ATG7: variants seen among roughly 807,000 people sequenced by gnomAD.
The protein encoded by ATG7 is autophagy related 7, also known as ubiquitin-like modifier-activating enzyme ATG7.
A neutral mutation model predicts 82.4 loss-of-function variants in ATG7; 70 were observed. That is an observed-to-expected ratio of 0.85 (90% CI 0.70 to 1.04). The LOEUF (loss-of-function observed/expected upper bound fraction) is 1.04. Ranked by LOEUF, ATG7 falls within the 50% of genes least tolerant of loss-of-function variation. The pLI is 0.00. For missense variants in ATG7, 792 were observed against 864.3 expected (o/e 0.92, Z 1.05); for synonymous variants, 287 against 313.0 (o/e 0.92, Z 0.88).
chr3:11,497,823 A>G (rs1474299780), intron 20 of ATG7, among the ~76,000 whole-genome samples: 1 of 152,154 alleles, frequency 6.6e-6, no homozygotes, highest in Admixed American at 6.6e-5. Context: ...AATAGTTTAC[A>G]GGAGCCCAGA....
At chr3:11,276,420 C>G (rs567386774) in intron 1 of ATG7, among the ~76,000 whole-genome samples, 2 of 152,320 alleles carry the variant, frequency 1.3e-5, no homozygotes, top group Non-Finnish European at 2.9e-5. Context: ...TAAATATTCT[C>G]TGTTTACTCT....
At position 11,365,057 on chromosome 3, in the gene ATG7, A is replaced by G. The variant is rs2076511858; in HGVS notation, c.1875+323A>G. Among the ~76,000 whole-genome samples the G allele has an allele frequency of 2.6e-5, 4 of 152,336 alleles. No individual in the cohort carries two copies. In the South Asian group the frequency reaches 8.3e-4, roughly 32 times the overall value. On this transcript the variant is annotated intron_variant, in intron 18 of 20. Coordinates refer to ENST00000693202, the MANE Select transcript of ATG7 (RefSeq NM_001349232.2). ...TGGTTTAAATCCCAGCCCTGCCGTTATAAAGATGGCCTTCTTTGGCCAAGT... is the reference window on the plus strand; with the variant it reads ...TGGTTTAAATCCCAGCCCTGCCGTTGTAAAGATGGCCTTCTTTGGCCAAGT...
At chr3:11,498,956 A>C (rs949065290) in intron 20 of ATG7, among the ~76,000 whole-genome samples, 2 of 152,188 alleles carry the variant, frequency 1.3e-5, no homozygotes, top group African/African-American at 4.8e-5. Context: ...TTGCAGAACA[A>C]GTTCTCAAAC....
intron 11 of ATG7, among the ~76,000 whole-genome samples, chr3:11,335,052 G>A (rs1256045277): frequency 2.6e-5 from 4 of 151,596 alleles, no homozygotes; most frequent in African/African-American, 7.3e-5. Flanking sequence ...TTTTTTCAGC[G>A]ATTCTATGCT....
At chr3:11,387,319 G>A (rs572665153) in intron 19 of ATG7, among the ~76,000 whole-genome samples, 1 of 152,304 alleles carries the variant, frequency 6.6e-6, no homozygotes, top group Non-Finnish European at 1.5e-5. Flanking sequence ...ACACGGCCTT[G>A]CTTGTTACTT....
the ATG7 span, chr3:11,568,957 G>C: frequency 8.4e-7 from 1 of 1,196,610 alleles, no homozygotes; most frequent in Non-Finnish European, 1.0e-6. This position sits in a 1 kb window ranked among gnomAD's most constrained non-coding sequence, Gnocchi z 5.9. Flanking sequence ...GAGAAAGATG[G>C]AAAGAGGAGG....
At chr3:11,285,013 AT>A (rs1006968534) in intron 3 of ATG7, among the ~76,000 whole-genome samples, 10 of 143,774 alleles carry the variant, frequency 7.0e-5, no homozygotes, top group African/African-American at 1.8e-4. Flanking sequence ...TGCCCAGCTA[AT>A]TTTTTTTTTG....
chr3:11,422,740 C>CCTTTTTTTTT (rs2082038817), intron 19 of ATG7, among the ~76,000 whole-genome samples: 1 of 49,544 alleles, frequency 2.0e-5, no homozygotes, highest in Admixed American at 3.7e-4. Flanking sequence ...TCATTTCTAG[C>CCTTTTTTTTT]TTTTTTTTTT....
intron 20 of ATG7, among the ~76,000 whole-genome samples, chr3:11,550,602 T>G (rs1343694476): frequency 1.3e-5 from 2 of 152,136 alleles, no homozygotes; most frequent in Non-Finnish European, 2.9e-5. Context: ...CTCCTTATGT[T>G]GCCCAGGCTG....
chr3:11,460,477 G>T (rs2086200054), intron 20 of ATG7, among the ~76,000 whole-genome samples: 1 of 152,214 alleles, frequency 6.6e-6, no homozygotes, highest in African/African-American at 2.4e-5. Context: ...GCAAGGGAGA[G>T]GGTAGCACCA....
chr3:11,461,580 TCTCA>T (rs1380695956), intron 20 of ATG7, among the ~76,000 whole-genome samples: 4 of 152,148 alleles, frequency 2.6e-5, no homozygotes, highest in South Asian at 2.1e-4. Context: ...ATTTAATCTC[TCTCA>T]CTCTCTCTCT....
intron 20 of ATG7, among the ~76,000 whole-genome samples, chr3:11,516,112 A>C (rs532143436): frequency 1.3e-5 from 2 of 152,076 alleles, no homozygotes; most frequent in African/African-American, 2.4e-5. Context: ...ACCAACTGCT[A>C]TGTTAGTTTC....
chr3:11,421,688 T>C (rs2152933161), intron 19 of ATG7, among the ~76,000 whole-genome samples: 1 of 152,346 alleles, frequency 6.6e-6, no homozygotes, highest in Non-Finnish European at 1.5e-5. Context: ...TCTAGAATGG[T>C]GAATCCTTTC....
chr3:11,410,004 C>T (rs1240092007), intron 19 of ATG7, among the ~76,000 whole-genome samples: 1 of 152,130 alleles, frequency 6.6e-6, no homozygotes, highest in African/African-American at 2.4e-5. Flanking sequence ...TAGGTAGTGT[C>T]AATCCTCCAA....
At chr3:11,539,860 C>T (rs2070681265) in intron 20 of ATG7, among the ~76,000 whole-genome samples, 1 of 152,250 alleles carries the variant, frequency 6.6e-6, no homozygotes, top group African/African-American at 2.4e-5. Flanking sequence ...CTGCCCTGCA[C>T]AGCCGCCTGG....
chr3:11,494,549 C>T (rs768116824), intron 20 of ATG7, among the ~76,000 whole-genome samples: 2 of 152,256 alleles, frequency 1.3e-5, no homozygotes, highest in Non-Finnish European at 2.9e-5. Context: ...AGGCAGGTGC[C>T]CTAGAAGGCA....
At chr3:11,332,074 A>G (rs1336733342) in intron 10 of ATG7, among the ~76,000 whole-genome samples, 2 of 152,196 alleles carry the variant, frequency 1.3e-5, no homozygotes, top group Admixed American at 6.5e-5. Context: ...CAAAACACAT[A>G]TACAAGAATG....
intron 19 of ATG7, among the ~76,000 whole-genome samples, chr3:11,422,881 G>A (rs931880811): frequency 4.0e-5 from 6 of 150,050 alleles, no homozygotes; most frequent in Non-Finnish European, 8.8e-5. Context: ...CAGCTTCCCA[G>A]GTAGCTGGGA....
chr3:11,403,158 C>G (rs1386195000), intron 19 of ATG7, among the ~76,000 whole-genome samples: 1 of 152,116 alleles, frequency 6.6e-6, no homozygotes, highest in Non-Finnish European at 1.5e-5. Flanking sequence ...AATTTACATA[C>G]CAGAAAATCC....
Sources: gnomAD v4.1 joint callset for allele counts (sites outside exome capture counted in the v4.1 genomes callset) on GRCh38, gnomAD v4.1.1 for gene constraint, Gnocchi (gnomAD v3.1) non-coding constraint, MANE v1.5 for transcripts, NCBI Gene and HGNC (gene_info 2026-07-23, HGNC 2026-07-21) for gene names.